The following CRYL1 variants were observed in gnomAD, a reference collection of about 807,000 sequenced individuals.
CRYL1 encodes the protein lambda-crystallin homolog.
Under a neutral mutation model 36.6 loss-of-function variants are expected in CRYL1, and 29 were observed. The observed-to-expected ratio is 0.79, with a 90% CI of 0.59 to 1.08. CRYL1 has a LOEUF of 1.08. Among genes scored for constraint, CRYL1 ranks in the 50% least tolerant of loss-of-function variants. The pLI, the probability that CRYL1 is intolerant of heterozygous loss-of-function variation, is 0.00. For synonymous variants in CRYL1, 152 were observed against 151.5 expected (o/e 1.00, Z -0.02); for missense variants, 411 against 407.9 (o/e 1.01, Z -0.06).
chr13:20,420,738 T>C (rs1192112279), intron 5 of CRYL1, among the ~76,000 whole-genome samples: 32 of 113,948 alleles, frequency 2.8e-4, no homozygotes, highest in African/African-American at 9.2e-4. Flanking sequence ...TGTGTGTGTG[T>C]GTGTGTGTGT....
chr13:20,489,739 A>G (rs1440012355), intron 2 of CRYL1, among the ~76,000 whole-genome samples: 3 of 152,204 alleles, frequency 2.0e-5, no homozygotes, highest in African/African-American at 7.2e-5. Flanking sequence ...GAAAACAGAT[A>G]TGGCAGTTCC....
intron 3 of CRYL1, among the ~76,000 whole-genome samples, chr13:20,487,995 C>T (rs1236164535): frequency 1.3e-5 from 2 of 151,734 alleles, no homozygotes; most frequent in Non-Finnish European, 2.9e-5. Flanking sequence ...CCAGCCACTC[C>T]ACAGGCTGAG....
intron 5 of CRYL1, among the ~76,000 whole-genome samples, chr13:20,429,146 TGAG>T (rs1279088522): frequency 6.6e-6 from 1 of 152,158 alleles, no homozygotes; most frequent in East Asian, 1.9e-4. Context: ...CAGGCCTCAC[TGAG>T]GAGAAGCTCT....
At chr13:20,457,870 G>A (rs1212795563) in intron 3 of CRYL1, among the ~76,000 whole-genome samples, 3 of 152,146 alleles carry the variant, frequency 2.0e-5, no homozygotes, top group African/African-American at 4.8e-5. Flanking sequence ...TTTCACAGAG[G>A]GTGAAACGGA....
intron 6 of CRYL1, 121 bp downstream of exon 6, chr13:20,413,161 G>A (rs1259274105): frequency 6.4e-6 from 4 of 628,460 alleles, no homozygotes; most frequent in African/African-American, 1.8e-5. Flanking sequence ...CACCAGGGCT[G>A]GCCATCATCT....
chr13:20,509,790 C>T (rs187314594), intron 2 of CRYL1, among the ~76,000 whole-genome samples: 4 of 152,100 alleles, frequency 2.6e-5, no homozygotes, highest in Admixed American at 1.3e-4. Flanking sequence ...ATTAGCTGGG[C>T]GTAGTGGCAG....
chr13:20,404,612 T>C (rs1359108348), intron 7 of CRYL1, 23 bp downstream of exon 7: 1 of 1,463,360 alleles, frequency 6.8e-7, no homozygotes, highest in Admixed American at 1.7e-5. Flanking sequence ...TTCTCTGCAG[T>C]GAGTTGCAGA....
chr13:20,439,514 C>CAAAAAAAAAAAAAAAA lies in CRYL1; in HGVS notation c.438+63_438+78dup, dbSNP rs56087130. On this transcript the variant is annotated intron_variant, in intron 4 of 7. Coordinates refer to ENST00000298248, the MANE Select transcript of CRYL1 (RefSeq NM_015974.3). ...ACAAGTTATTGACCCCCCTCCCCCG[C>CAAAAAAAAAAAAAAAA]AAAAAAAAAAAAAAAAGAAAAAAAA... 5.1e-4 allele frequency: 168 copies of CAAAAAAAAAAAAAAAA among 331,794 alleles called. 9 individuals are homozygous for CAAAAAAAAAAAAAAAA. The highest frequency in any genetic ancestry group is 2.5e-3 in the East Asian group (30 of 11,854). 20.6% of individuals were successfully genotyped at this position (331,794 alleles called of 1,614,324 possible). A position where few individuals can be genotyped will look rare whatever the true frequency, so the allele number is the denominator to read the frequency against.
intron 4 of CRYL1, among the ~76,000 whole-genome samples, chr13:20,438,845 G>A (rs1342671736): frequency 1.3e-5 from 2 of 152,196 alleles, no homozygotes; most frequent in African/African-American, 4.8e-5. Flanking sequence ...GTCACACTGA[G>A]CTCGCAGTTG....
chr13:20,447,824 C>T (rs763338454), intron 3 of CRYL1, among the ~76,000 whole-genome samples: 1 of 152,104 alleles, frequency 6.6e-6, no homozygotes, highest in Non-Finnish European at 1.5e-5. Flanking sequence ...TTCAAATGCC[C>T]ACAATGAAAG....
In CRYL1 at chr13:20,412,593, G is replaced by A. The variant is rs115455675; in HGVS notation, c.739+689C>T. The stretch of plus-strand genomic sequence containing the variant: ...TTTTAATTTGCTATAGGTTTTATTG[G>A]TTATCAAATGACATTTTCTTTTTGG... On this transcript the variant is annotated intron_variant, in intron 6 of 7. Coordinates refer to ENST00000298248, the MANE Select transcript of CRYL1 (RefSeq NM_015974.3). 8.8e-3 allele frequency among the ~76,000 whole-genome samples: 1,332 copies of A among 152,220 alleles called. 15 individuals carry two copies. The highest frequency in any genetic ancestry group is 0.03 in the African/African-American group (1,230 of 41,534).
At chr13:20,505,978 C>A (rs2033790654) in intron 2 of CRYL1, among the ~76,000 whole-genome samples, 3 of 152,116 alleles carry the variant, frequency 2.0e-5, no homozygotes, top group African/African-American at 7.2e-5. Context: ...AAAATACTTA[C>A]AAAAACAAAG....
chr13:20,424,096 G>A (rs1348771055), intron 5 of CRYL1, among the ~76,000 whole-genome samples: 1 of 151,992 alleles, frequency 6.6e-6, no homozygotes, highest in African/African-American at 2.4e-5. Context: ...TAGTTCTAGG[G>A]CTCCTCAAAA....
chr13:20,437,151 C>A (rs1267580224), intron 4 of CRYL1, among the ~76,000 whole-genome samples: 1 of 150,616 alleles, frequency 6.6e-6, no homozygotes, highest in Admixed American at 6.8e-5. Flanking sequence ...GAAAGAGCCA[C>A]AGAGAAAGAA....
chr13:20,439,195 A>G (rs2032297348), intron 4 of CRYL1, among the ~76,000 whole-genome samples: 1 of 152,196 alleles, frequency 6.6e-6, no homozygotes, highest in Non-Finnish European at 1.5e-5. Flanking sequence ...TACCCAATGT[A>G]TACATTTTTG....
chr13:20,431,530 C>G, intron 5 of CRYL1: 1 of 1,004,558 alleles, frequency 1.0e-6, no homozygotes, highest in Non-Finnish European at 1.2e-6. Context: ...CAAATGTACA[C>G]GAGAATGCGT....
chr13:20,454,909 C>T (rs1349723428), intron 3 of CRYL1, among the ~76,000 whole-genome samples: 5 of 152,032 alleles, frequency 3.3e-5, no homozygotes, highest in South Asian at 2.1e-4. Flanking sequence ...GATTCTATTC[C>T]GGAATAGAAT....
intron 3 of CRYL1, 97 bp from the exon 4 acceptor site, chr13:20,439,851 T>G (rs1373573535): frequency 1.4e-5 from 17 of 1,207,104 alleles, no homozygotes; most frequent in South Asian, 9.9e-5. Context: ...TGAACCACTT[T>G]GAAAATGATG....
chr13:20,482,706 A>T (rs1044733423), intron 3 of CRYL1, among the ~76,000 whole-genome samples: 2 of 151,072 alleles, frequency 1.3e-5, no homozygotes, highest in Admixed American at 1.3e-4. Context: ...CGACAGTGGG[A>T]TTATTTTTAG....
Sources: allele counts gnomAD v4.1 joint callset (sites outside exome capture counted in the v4.1 genomes callset), GRCh38; gene constraint gnomAD v4.1.1; transcripts MANE v1.5; gene names NCBI Gene and HGNC (gene_info 2026-07-23, HGNC 2026-07-21).